Variants in FMN1 observed in about 807,000 individuals in gnomAD.
FMN1 encodes formin 1, also known as formin-1.
A neutral mutation model predicts 132.4 loss-of-function variants in FMN1; 110 were observed. That is an observed-to-expected ratio of 0.83 (90% CI 0.71 to 0.97). The LOEUF is 0.97. Ranked by LOEUF, FMN1 falls within the 50% of genes least tolerant of loss-of-function variation. The pLI is 0.00. For missense variants in FMN1, 1,792 were observed against 1,705.3 expected (o/e 1.05, Z -0.90); for synonymous variants, 722 against 651.7 (o/e 1.11, Z -1.64).
At chr15:32,947,040 A>G (rs1006315615) in intron 9 of FMN1, among the ~76,000 whole-genome samples, 5 of 152,148 alleles carry the variant, frequency 3.3e-5, no homozygotes, top group Admixed American at 6.5e-5. Context: ...GCAAGAGTTC[A>G]TGTCAATGAT....
intron 16 of FMN1, among the ~76,000 whole-genome samples, chr15:32,866,625 T>C (rs2059399425): frequency 6.6e-6 from 1 of 152,228 alleles, no homozygotes. Flanking sequence ...CTAATCATTT[T>C]CCCAGTCCAA....
chr15:32,942,725 A>G (rs1317214355), intron 9 of FMN1, among the ~76,000 whole-genome samples: 2 of 152,208 alleles, frequency 1.3e-5, no homozygotes, highest in African/African-American at 2.4e-5. Flanking sequence ...ACTCAGTTCC[A>G]GTCACAGGGT....
intron 4 of FMN1, among the ~76,000 whole-genome samples, chr15:33,121,521 G>A (rs185504843): frequency 3.9e-5 from 6 of 152,192 alleles, no homozygotes; most frequent in Non-Finnish European, 8.8e-5. Context: ...TAGTTGACAA[G>A]TTGGTTTTGT....
At chr15:33,113,931 T>G (rs553660006) in intron 4 of FMN1, among the ~76,000 whole-genome samples, 1 of 152,304 alleles carries the variant, frequency 6.6e-6, no homozygotes, top group South Asian at 2.1e-4. Context: ...CCCACAAGTG[T>G]GGGAAACCAG....
intron 6 of FMN1, among the ~76,000 whole-genome samples, chr15:33,017,778 T>C (rs1225285088): frequency 1.3e-5 from 2 of 152,240 alleles, no homozygotes; most frequent in East Asian, 1.9e-4. Context: ...AAAATCCATA[T>C]GATGGGCTGG....
intron 10 of FMN1, among the ~76,000 whole-genome samples, chr15:32,916,382 A>G (rs557967720): frequency 1.2e-3 from 179 of 152,336 alleles, no homozygotes; most frequent in Admixed American, 2.3e-3. Context: ...AGGGCTTCTA[A>G]TGAGTAAAAA....
At chr15:32,879,099 C>G (rs917366960) in intron 16 of FMN1, among the ~76,000 whole-genome samples, 3 of 152,170 alleles carry the variant, frequency 2.0e-5, no homozygotes, top group African/African-American at 7.2e-5. Flanking sequence ...AGTCACCATG[C>G]TCAATTAATT....
intron 4 of FMN1, among the ~76,000 whole-genome samples, chr15:33,115,890 C>T (rs921142425): frequency 7.2e-5 from 11 of 152,142 alleles, no homozygotes; most frequent in Non-Finnish European, 1.5e-4. Context: ...ACCACCTTTA[C>T]TCCAACCAGC....
intron 5 of FMN1, among the ~76,000 whole-genome samples, chr15:33,087,664 AAAG>A (rs561096113): frequency 9.2e-5 from 14 of 152,342 alleles, no homozygotes; most frequent in Admixed American, 9.1e-4. Context: ...ACCCAGAGGA[AAAG>A]AAGTCATTAT....
At chr15:32,922,029 C>T (rs1411607356) in intron 10 of FMN1, among the ~76,000 whole-genome samples, 1 of 152,096 alleles carries the variant, frequency 6.6e-6, no homozygotes, top group Non-Finnish European at 1.5e-5. Flanking sequence ...CTATTTCATC[C>T]TCTCAGACTT....
chr15:33,101,192 T>C (rs1323159767), intron 4 of FMN1, among the ~76,000 whole-genome samples: 5 of 152,178 alleles, frequency 3.3e-5, no homozygotes, highest in African/African-American at 9.7e-5. Context: ...GAAAATCATC[T>C]GTAAATTGAA....
intron 16 of FMN1, among the ~76,000 whole-genome samples, chr15:32,861,868 G>C (rs1344295695): frequency 6.6e-6 from 1 of 152,182 alleles, no homozygotes; most frequent in Non-Finnish European, 1.5e-5. Flanking sequence ...AATTCCCCTA[G>C]GCCTCTGAGC....
intron 16 of FMN1, 143 bp from the exon 17 acceptor site, chr15:32,857,250 G>A: frequency 1.5e-6 from 1 of 653,096 alleles, no homozygotes; most frequent in South Asian, 1.9e-5. Context: ...AGGATTGGGG[G>A]GCAGGGGGAA....
At chr15:33,073,876 G>T (rs962423524) in intron 5 of FMN1, among the ~76,000 whole-genome samples, 1 of 151,960 alleles carries the variant, frequency 6.6e-6, no homozygotes, top group African/African-American at 2.4e-5. Context: ...GATTATAGTT[G>T]CGTGTCACCA....
intron 7 of FMN1, among the ~76,000 whole-genome samples, chr15:32,980,258 AC>A (rs1162157823): frequency 6.6e-6 from 1 of 151,910 alleles, no homozygotes; most frequent in African/African-American, 2.4e-5. Context: ...TAAGAAATGG[AC>A]CCAAAGAGAA....
chr15:32,969,512 G>T, intron 7 of FMN1, 35 bp from the exon 8 acceptor site: 1 of 1,596,528 alleles, frequency 6.3e-7, no homozygotes, highest in African/African-American at 1.3e-5. Context: ...AAAGTAATGA[G>T]TTTATTAAGA....
chr15:32,858,238 G>GTA (rs1567281367), intron 16 of FMN1, among the ~76,000 whole-genome samples: 3 of 152,174 alleles, frequency 2.0e-5, no homozygotes, highest in Non-Finnish European at 4.4e-5. Context: ...ATCTCAGAAC[G>GTA]TATACTGCAG....
At chr15:32,819,997 A>G (rs2058166460) in intron 17 of FMN1, among the ~76,000 whole-genome samples, 1 of 152,218 alleles carries the variant, frequency 6.6e-6, no homozygotes, top group African/African-American at 2.4e-5. Flanking sequence ...GGACTGAATA[A>G]TAAGTCCAGC....
At position 32,774,081 on chromosome 15, in the gene FMN1, A is replaced by G; in HGVS notation, c.*229T>C. The G allele has an allele frequency of 3.8e-6, 2 of 523,886 alleles. No homozygotes were observed. Among genetic ancestry groups the G allele is most frequent in the Non-Finnish European group, 6.7e-6 (2 of 300,626 alleles). 32.5% of individuals were successfully genotyped at this position (523,886 alleles called of 1,614,324 possible). On this transcript the variant is annotated 3_prime_UTR_variant, in exon 21 of 21. Transcript: ENST00000616417. ...GGGCTTCCACAAGAAACAGTCATCA[A>G]ATATTTCTGCAATGTTCCCTTAAAT...
Sources: allele counts gnomAD v4.1 joint callset (sites outside exome capture counted in the v4.1 genomes callset), GRCh38; gene constraint gnomAD v4.1.1; transcripts MANE v1.5; gene names NCBI Gene and HGNC (gene_info 2026-07-23, HGNC 2026-07-21).